NIPSNAP2: variants seen among roughly 807,000 people sequenced by gnomAD.
The protein encoded by NIPSNAP2 is nipsnap homolog 2, also known as protein NipSnap homolog 2.
In NIPSNAP2, 42 loss-of-function variants were observed where a neutral mutation model predicts 48.4. The ratio of observed to expected loss-of-function variants is 0.87; its 90% CI spans 0.68 to 1.12. The LOEUF is 1.12. Among genes scored for constraint, NIPSNAP2 ranks in the 50% most tolerant of loss-of-function variants. The pLI is 0.00. For synonymous variants in NIPSNAP2, 158 were observed against 126.6 expected (o/e 1.25, Z -1.67); for missense variants, 314 against 347.3 (o/e 0.90, Z 0.76).
chr7:55,990,955 TATG>T (rs1297190854), intron 7 of NIPSNAP2, among the ~76,000 whole-genome samples: 3 of 151,854 alleles, frequency 2.0e-5, no homozygotes, highest in Admixed American at 6.6e-5. Context: ...ACCTGGCTAA[TATG>T]TTTTGTATTT....
intron 3 of NIPSNAP2, 81 bp downstream of exon 3, chr7:55,978,476 T>TAG: frequency 2.5e-6 from 3 of 1,177,024 alleles, no homozygotes; most frequent in Non-Finnish European, 3.6e-6. Context: ...CTTGATAGCA[T>TAG]AGAGAGAGAT....
At chr7:55,981,444 A>G in intron 3 of NIPSNAP2, 29 bp from the exon 4 acceptor site, 1 of 1,564,126 alleles carries the variant, frequency 6.4e-7, no homozygotes, top group East Asian at 2.2e-5. Flanking sequence ...CTGGTTGTTT[A>G]ATTAGTGTTG....
At chr7:55,991,563 A>G (rs1175231091) in intron 7 of NIPSNAP2, among the ~76,000 whole-genome samples, 3 of 151,934 alleles carry the variant, frequency 2.0e-5, no homozygotes, top group Admixed American at 2.0e-4. Flanking sequence ...CCTGACCAAC[A>G]TGGAGAAACC....
chr7:55,988,154 T>C (rs1425815665), intron 7 of NIPSNAP2, among the ~76,000 whole-genome samples: 2 of 151,846 alleles, frequency 1.3e-5, no homozygotes, highest in African/African-American at 2.4e-5. Context: ...CTCAGCTGCT[T>C]GGGAGGCTGA....
At chr7:55,970,127 A>C (rs954907946) in intron 1 of NIPSNAP2, among the ~76,000 whole-genome samples, 23 of 150,232 alleles carry the variant, frequency 1.5e-4, no homozygotes, top group African/African-American at 5.4e-4. Context: ...TTCTGAATGC[A>C]CTCCTTTCTC....
chr7:55,968,436 AG>A (rs1265105190), intron 1 of NIPSNAP2, among the ~76,000 whole-genome samples: 1 of 143,032 alleles, frequency 7.0e-6, no homozygotes, highest in Non-Finnish European at 1.5e-5. Flanking sequence ...CCCAGGCCGG[AG>A]TGCAGTGGGG....
At chr7:55,965,311 T>C (rs948163855) in intron 1 of NIPSNAP2, 1 of 151,624 alleles carries the variant, frequency 6.6e-6, no homozygotes, top group African/African-American at 2.4e-5. Context: ...TTATCAGCAC[T>C]AAGTTCAGGC....
At chr7:55,978,714 C>A in intron 3 of NIPSNAP2, 1 of 276,036 alleles carries the variant, frequency 3.6e-6, no homozygotes, top group Non-Finnish European at 6.8e-6. Context: ...TTCCTGACTG[C>A]CTGTCCTGAA....
At chr7:55,990,759 A>T (rs1313873174) in intron 7 of NIPSNAP2, among the ~76,000 whole-genome samples, 3 of 149,494 alleles carry the variant, frequency 2.0e-5, no homozygotes, top group African/African-American at 7.4e-5. Flanking sequence ...TTTTTTTTTA[A>T]CTTCAACTTA....
At chr7:55,974,181 C>T (rs1400408084) in intron 1 of NIPSNAP2, among the ~76,000 whole-genome samples, 1 of 151,152 alleles carries the variant, frequency 6.6e-6, no homozygotes, top group Non-Finnish European at 1.5e-5. Context: ...GCCGAGATTG[C>T]ACTACTGCAC....
intron 9 of NIPSNAP2, among the ~76,000 whole-genome samples, chr7:55,997,659 A>G (rs1279921677): frequency 6.6e-6 from 1 of 152,148 alleles, no homozygotes; most frequent in Non-Finnish European, 1.5e-5. Flanking sequence ...TCAAATAGGT[A>G]TATCATCTGT....
At chr7:55,969,723 C>T (rs1786975578) in intron 1 of NIPSNAP2, among the ~76,000 whole-genome samples, 1 of 152,146 alleles carries the variant, frequency 6.6e-6, no homozygotes, top group Non-Finnish European at 1.5e-5. Flanking sequence ...GTGGCTCACG[C>T]CTGTAATCCC....
chr7:55,994,483 C>T (rs1372837243), intron 7 of NIPSNAP2, among the ~76,000 whole-genome samples: 4 of 152,108 alleles, frequency 2.6e-5, no homozygotes, highest in South Asian at 4.1e-4. Context: ...GAGGCTGAGG[C>T]GGGCGGATTA....
rs1787628050 is a variant in NIPSNAP2 at position 55,999,098 on chromosome 7, A to G, written c.*26A>G. 2 of 1,553,254 alleles carry G rather than the reference A, an allele frequency of 1.3e-6. No homozygotes were observed. The highest frequency in any genetic ancestry group is 1.1e-5 in the South Asian group (1 of 87,654). On this transcript the variant is annotated 3_prime_UTR_variant, in exon 10 of 10. Coordinates refer to ENST00000322090, the MANE Select transcript of NIPSNAP2 (RefSeq NM_001483.3). ...AGCTGTAGAGTTTCTATGTGCCTAC[A>G]TACATTTCTGTGACAAGTATTTGTC...
At chr7:55,987,045 C>T (rs1351513168) in intron 7 of NIPSNAP2, among the ~76,000 whole-genome samples, 5 of 146,614 alleles carry the variant, frequency 3.4e-5, no homozygotes, top group African/African-American at 1.3e-4. Flanking sequence ...TGCCTGTAGT[C>T]TCAGCTATTC....
At chr7:55,971,740 G>C (rs548676700) in intron 1 of NIPSNAP2, among the ~76,000 whole-genome samples, 21 of 152,066 alleles carry the variant, frequency 1.4e-4, no homozygotes, top group African/African-American at 4.8e-4. Context: ...TATTTCAAAG[G>C]CATCCTTTAT....
intron 7 of NIPSNAP2, 54 bp from the exon 8 acceptor site, chr7:55,994,840 C>A: frequency 6.9e-7 from 1 of 1,446,820 alleles, no homozygotes. Flanking sequence ...TCTACCGATT[C>A]TCGTTAGCGT....
At chr7:55,977,956 T>G (rs1787134407) in intron 1 of NIPSNAP2, among the ~76,000 whole-genome samples, 170 bp from the exon 2 acceptor site, 1 of 152,260 alleles carries the variant, frequency 6.6e-6, no homozygotes, top group South Asian at 2.1e-4. Context: ...TTTACATTTT[T>G]CTTTGCTTCT....
intron 1 of NIPSNAP2, among the ~76,000 whole-genome samples, chr7:55,966,730 C>T (rs948208992): frequency 2.0e-5 from 3 of 151,998 alleles, no homozygotes; most frequent in Admixed American, 6.6e-5. Flanking sequence ...TGCAGTGAGC[C>T]GAGATCATGC....
Sources: allele counts gnomAD v4.1 joint callset (sites outside exome capture counted in the v4.1 genomes callset), GRCh38; gene constraint gnomAD v4.1.1; transcripts MANE v1.5; gene names NCBI Gene and HGNC (gene_info 2026-07-23, HGNC 2026-07-21).